The following PRAME variants were observed in gnomAD, a reference collection of about 807,000 sequenced individuals.
PRAME encodes the protein PRAME nuclear receptor transcriptional regulator, also known as melanoma antigen preferentially expressed in tumors.
Under a neutral mutation model 32.1 loss-of-function variants are expected in PRAME, and 21 were observed. That is an observed-to-expected ratio of 0.65 (90% confidence interval 0.46 to 0.94). PRAME has a LOEUF of 0.94. Among genes scored for constraint, PRAME ranks in the 40% least tolerant of loss-of-function variants. PRAME has a pLI of 0.00. For synonymous variants in PRAME, 274 were observed against 251.5 expected (o/e 1.09, Z -0.85); for missense variants, 651 against 622.3 (o/e 1.05, Z -0.49).
intron 3 of PRAME, chr22:22,552,676 A>G: frequency 3.5e-6 from 1 of 288,970 alleles, no homozygotes. Flanking sequence ...TTTAGAGACA[A>G]GAACAAAGCC....
rs746012471 is a variant in PRAME, at chr22:22,548,571, C to A, written c.1026G>T (p.Leu342=). 1.9e-6 allele frequency: 3 copies of A among 1,612,938 alleles called. No homozygotes were observed. In the South Asian group the frequency reaches 3.3e-5, roughly 18 times the overall value. Residue 342 remains leucine (L), a synonymous_variant, in exon 6 of 6, where the codon CTG becomes CTT. Transcript: ENST00000405655. Reference sequence around the variant, plus strand: ...GCTGACTGACGCTGGGACTCTGGGACAGATGCATCACATCCCCTTCCGAAA... The same window carrying A: ...GCTGACTGACGCTGGGACTCTGGGAAAGATGCATCACATCCCCTTCCGAAA... ...CRLSEGDVMH[L]SQSPSVSQLS...
intron 5 of PRAME, among the ~76,000 whole-genome samples, chr22:22,548,930 G>C (rs765897617): frequency 2.6e-5 from 4 of 151,872 alleles, no homozygotes; most frequent in Non-Finnish European, 4.4e-5. Flanking sequence ...GAATTGAATT[G>C]AGAGCCTGAT....
rs1474402197 is a variant in PRAME at position 22,557,237 on chromosome 22, A to C, written c.-78+308T>G. Reference sequence around the variant, plus strand: ...TACGCCACTGCCTGGGCCGTCCCCAACCCCCAGCACCTTCAGAGGGGCCGA... The same window carrying C: ...TACGCCACTGCCTGGGCCGTCCCCACCCCCCAGCACCTTCAGAGGGGCCGA... On this transcript the variant is annotated intron_variant, in intron 2 of 5. Coordinates refer to ENST00000405655, the MANE Select transcript of PRAME (RefSeq NM_206956.3). 1.5e-5 allele frequency: 3 copies of C among 205,052 alleles called. No homozygotes were observed. The highest frequency in any genetic ancestry group is 4.2e-5 in the African/African-American group (1 of 23,878). 12.7% of individuals were successfully genotyped at this position (205,052 alleles called of 1,614,324 possible).
At chr22:22,558,323 G>C (rs1231148184) in intron 1 of PRAME, among the ~76,000 whole-genome samples, 5 of 6,582 alleles carry the variant, frequency 7.6e-4, no homozygotes, top group East Asian at 4.6e-3. Flanking sequence ...GACAAGGCGG[G>C]GGAGGGGTGG....
At chr22:22,556,641 G>A (rs745800921) in intron 3 of PRAME, among the ~76,000 whole-genome samples, 171 bp downstream of exon 3, 4 of 151,876 alleles carry the variant, frequency 2.6e-5, no homozygotes, top group Non-Finnish European at 5.9e-5. Flanking sequence ...AAGACAGCAC[G>A]GGAAGTGAAA....
intron 3 of PRAME, among the ~76,000 whole-genome samples, chr22:22,551,949 T>G (rs543656755): frequency 6.6e-6 from 1 of 151,502 alleles, no homozygotes; most frequent in East Asian, 2.0e-4. Context: ...TACAATACAT[T>G]ATTAACTACA....
intron 2 of PRAME, 133 bp from the exon 3 acceptor site, chr22:22,557,042 AGT>A: frequency 3.2e-6 from 2 of 625,198 alleles, no homozygotes; most frequent in East Asian, 5.6e-5. Flanking sequence ...CCGCCCTTTC[AGT>A]GCAAATCTCT....
chr22:22,549,951 G>C lies in PRAME; in HGVS notation c.728C>G (p.Thr243Ser), dbSNP rs367787872. 6.2e-7 allele frequency: 1 copy of C among 1,613,826 alleles called. No individual in the cohort carries two copies. The highest frequency in any genetic ancestry group is 2.2e-5 in the East Asian group (1 of 44,782). Residue 243 changes from threonine to serine, a missense_variant, in exon 5 of 6, where the codon ACC becomes AGC. Thr to Ser is a moderately conservative substitution (Grantham distance 58). Coordinates refer to ENST00000405655, the MANE Select transcript of PRAME (RefSeq NM_206956.3). The stretch of plus-strand genomic sequence containing the variant: ...TTTCGCCAAGGTGGGTAGCTTCCAG[G>C]TACAAGTCACTTCCAAATCTTCAAT... The part of the protein sequence containing the change: ...DSIEDLEVTC[T>S]WKLPTLAKFS...
intron 3 of PRAME, chr22:22,555,993 ATTTTTT>A: frequency 1.2e-5 from 4 of 334,176 alleles, no homozygotes; most frequent in Non-Finnish European, 2.5e-5. Context: ...ATGCATTAAG[ATTTTTT>A]TTTTTTTTTT....
intron 4 of PRAME, 138 bp from the exon 5 acceptor site, chr22:22,550,472 C>T (rs2062501750): frequency 4.9e-6 from 6 of 1,212,960 alleles, no homozygotes; most frequent in Admixed American, 2.5e-5. Flanking sequence ...CTTCAGGCAT[C>T]AGCTGCTCCC....
rs376398901 is a variant in PRAME, at chr22:22,549,876, G to C, written c.803C>G (p.Ser268Cys). 6.2e-7 allele frequency: 1 copy of C among 1,613,880 alleles called. No homozygotes were observed. The highest frequency in any genetic ancestry group is 8.5e-7 in the Non-Finnish European group (1 of 1,179,964). Residue 268 changes from serine to cysteine, a missense_variant, in exon 5 of 6, where the codon TCC becomes TGC. Coordinates refer to ENST00000405655, the MANE Select transcript of PRAME (RefSeq NM_206956.3). Reference sequence around the variant, plus strand: ...AATGTAGGAAGATGCATGGATGTGGGAGAGGAGGAGTCTACGCAGATTAAT... The same window carrying C: ...AATGTAGGAAGATGCATGGATGTGGCAGAGGAGGAGTCTACGCAGATTAAT... Reference protein sequence around the residue: ...QMINLRRLLLSHIHASSYISP... With the variant: ...QMINLRRLLLCHIHASSYISP...
intron 4 of PRAME, 137 bp from the exon 5 acceptor site, chr22:22,550,471 T>TCA: frequency 8.2e-7 from 1 of 1,226,108 alleles, no homozygotes; most frequent in Non-Finnish European, 1.1e-6. Flanking sequence ...ACTTCAGGCA[T>TCA]CAGCTGCTCC....
chr22:22,557,703 C>T (rs2063021546), intron 1 of PRAME, 123 bp from the exon 2 acceptor site: 1 of 138,770 alleles, frequency 7.2e-6, no homozygotes, highest in Non-Finnish European at 1.5e-5. Flanking sequence ...GTTTCTCAGT[C>T]CTTCCAGGGC....
chr22:22,557,950 G>A (rs200952017), intron 1 of PRAME, among the ~76,000 whole-genome samples: 12 of 1,082 alleles, frequency 0.011, no homozygotes, highest in Admixed American at 0.026. Flanking sequence ...CGGGAGGAGG[G>A]TTAGGAATGG....
At chr22:22,556,264 T>G (rs1253351469) in intron 3 of PRAME, among the ~76,000 whole-genome samples, 1 of 151,782 alleles carries the variant, frequency 6.6e-6, no homozygotes, top group Non-Finnish European at 1.5e-5. Context: ...CGGCCTCCCA[T>G]GGTACTGGGA....
rs113467879 is a variant in PRAME, at chr22:22,548,519, T to G, written c.1078A>C (p.Met360Leu). 63 of 1,613,756 alleles carry G rather than the reference T, an allele frequency of 3.9e-5. No homozygotes were observed. In the African/African-American group the frequency reaches 7.3e-4, roughly 19 times the overall value. ...GGCTCGGGACTTACATCGGTCAGCATGACCCCACTTAGACTCAGGACACTT... is the reference window on the plus strand; with the variant it reads ...GGCTCGGGACTTACATCGGTCAGCAGGACCCCACTTAGACTCAGGACACTT... ...QLSVLSLSGV[M>L]LTDVSPEPLQ... Residue 360 changes from methionine to leucine, a missense_variant, in exon 6 of 6, where the codon ATG (methionine) becomes CTG (leucine). Physicochemically the swap from Met to Leu is conservative, Grantham distance 15. Coordinates refer to ENST00000405655, the MANE Select transcript of PRAME (RefSeq NM_206956.3).
chr22:22,549,679 A>G, intron 5 of PRAME, 47 bp downstream of exon 5: 1 of 1,533,956 alleles, frequency 6.5e-7, no homozygotes, highest in East Asian at 2.3e-5. Context: ...TTACTGCAAT[A>G]AGGAAGGGCT....
At position 22,549,815 on chromosome 22, in the gene PRAME, G is replaced by A. The variant is rs2062461419; in HGVS notation, c.864C>T (p.Phe288=). The A allele has an allele frequency of 6.2e-7, 1 of 1,613,824 alleles. No individual in the cohort carries two copies. The stretch of plus-strand genomic sequence containing the variant: ...ACTGCAGACTGAGGAACTGAGAGGT[G>A]AACTGGGCGATATACTGCTCTTCCT... ...PEKEEQYIAQ[F]TSQFLSLQCL... The change falls in exon 5 of 6, where the codon TTC becomes TTT. Residue 288 remains phenylalanine, a synonymous_variant. Transcript: ENST00000405655.
At chr22:22,556,738 C>G (rs2062948658) in intron 3 of PRAME, 74 bp downstream of exon 3, 2 of 1,580,752 alleles carry the variant, frequency 1.3e-6, no homozygotes, top group Non-Finnish European at 1.7e-6. Context: ...CAGCTCCCAT[C>G]TGGCTCGAGT....
Sources: gnomAD v4.1 joint callset for allele counts (sites outside exome capture counted in the v4.1 genomes callset) on GRCh38, gnomAD v4.1.1 for gene constraint, MANE v1.5 for transcripts, NCBI Gene and HGNC (gene_info 2026-07-23, HGNC 2026-07-21) for gene names.